Variants in GPR89A observed in about 807,000 individuals in gnomAD.
The protein encoded by GPR89A is G protein-coupled receptor 89A.
Under a neutral mutation model 52.0 loss-of-function variants are expected in GPR89A, and 16 were observed. The ratio of observed to expected loss-of-function variants is 0.31; its 90% confidence interval spans 0.21 to 0.47. The LOEUF (loss-of-function observed/expected upper bound fraction) is 0.47. Ranked by LOEUF, GPR89A falls within the 20% of genes least tolerant of loss-of-function variation. The pLI is 1.00. For synonymous variants in GPR89A, 55 were observed against 150.9 expected (o/e 0.36, Z 4.66); for missense variants, 135 against 449.4 (o/e 0.30, Z 6.33).
intron 10 of GPR89A, 72 bp from the exon 11 acceptor site, chr1:145,663,257 T>G (rs1399600399): frequency 1.2e-6 from 2 of 1,608,370 alleles, no homozygotes; most frequent in African/African-American, 2.7e-5. Context: ...ATTAATTCAT[T>G]AGTTTCAGTC....
At chr1:145,668,336 G>A in intron 12 of GPR89A, among the ~76,000 whole-genome samples, 1 of 152,148 alleles carries the variant, frequency 6.6e-6, no homozygotes, top group Non-Finnish European at 1.5e-5. Flanking sequence ...TGAAGAAATT[G>A]TGAATGGGCG....
intron 1 of GPR89A, among the ~76,000 whole-genome samples, chr1:145,615,400 G>A (rs1375077502): frequency 6.6e-6 from 1 of 151,918 alleles, no homozygotes; most frequent in Non-Finnish European, 1.5e-5. Flanking sequence ...CTGGAGCGCA[G>A]TGGTGCAATC....
chr1:145,608,068 T>C lies in GPR89A; in HGVS notation c.-66T>C. ...AAGGCAGACCGTGTGAGGGGGCCTG[T>C]GGCCCCAGCGTGCTGTGGCCTCGGG... is the stretch of plus-strand genomic sequence containing the variant. On this transcript the variant is annotated 5_prime_UTR_variant, in exon 1 of 14. Coordinates refer to ENST00000313835, the MANE Select transcript of GPR89A (RefSeq NM_001097612.2). 4.5e-6 allele frequency: 7 copies of C among 1,573,022 alleles called. No homozygotes were observed. Among genetic ancestry groups the C allele is most frequent in the Admixed American group, 3.3e-5 (2 of 59,732 alleles).
chr1:145,632,115 A>G (rs1553689943), intron 7 of GPR89A, among the ~76,000 whole-genome samples: 1 of 150,094 alleles, frequency 6.7e-6, no homozygotes. Context: ...AAATTATTAG[A>G]ATTTTTTTGT....
chr1:145,613,628 CCTT>C (rs1648457311), intron 1 of GPR89A, among the ~76,000 whole-genome samples: 1 of 151,106 alleles, frequency 6.6e-6, no homozygotes, highest in Non-Finnish European at 1.5e-5. Flanking sequence ...TTAACCTCTT[CCTT>C]CTTTGAATTT....
chr1:145,627,025 G>T (rs1471632), intron 5 of GPR89A, among the ~76,000 whole-genome samples: 9 of 152,156 alleles, frequency 5.9e-5, no homozygotes, highest in South Asian at 2.1e-4. Flanking sequence ...CTTCTTGTGC[G>T]GTGTCTGAAC....
chr1:145,622,970 C>A (rs1649238390), intron 3 of GPR89A, 84 bp from the exon 4 acceptor site: 2 of 1,594,562 alleles, frequency 1.3e-6, no homozygotes, highest in Non-Finnish European at 1.7e-6. Flanking sequence ...GTCCAAAGAG[C>A]AAAAGGACCC....
At chr1:145,667,282 C>G (rs1452525318) in intron 12 of GPR89A, among the ~76,000 whole-genome samples, 42 of 152,204 alleles carry the variant, frequency 2.8e-4, no homozygotes, top group Non-Finnish European at 4.6e-4. Context: ...ACCATCCTAA[C>G]TGGTGTGAGA....
chr1:145,642,603 A>G (rs1243682976), intron 7 of GPR89A, among the ~76,000 whole-genome samples: 4 of 152,208 alleles, frequency 2.6e-5, no homozygotes, highest in Non-Finnish European at 5.9e-5. Context: ...CCATAGAAAT[A>G]TCATTTGATC....
intron 8 of GPR89A, chr1:145,645,818 T>C: frequency 2.6e-6 from 1 of 382,890 alleles, no homozygotes; most frequent in East Asian, 6.6e-5. Flanking sequence ...TATATTCAGA[T>C]AATGTAGGAG....
At chr1:145,648,715 A>C (rs1651224658) in intron 10 of GPR89A, among the ~76,000 whole-genome samples, 1 of 151,576 alleles carries the variant, frequency 6.6e-6, no homozygotes, top group Admixed American at 6.6e-5. Context: ...TCCTGAGCTC[A>C]GGCAATCTGC....
At chr1:145,642,915 G>A (rs1225335773) in intron 7 of GPR89A, among the ~76,000 whole-genome samples, 4 of 151,932 alleles carry the variant, frequency 2.6e-5, no homozygotes, top group Non-Finnish European at 4.4e-5. Context: ...TGTACTAGTC[G>A]GTCCTCCACA....
chr1:145,612,824 A>G (rs1346239121), intron 1 of GPR89A, among the ~76,000 whole-genome samples: 2 of 151,636 alleles, frequency 1.3e-5, no homozygotes, highest in Admixed American at 6.6e-5. Flanking sequence ...TCTCTAGCCT[A>G]TTATCTAATG....
At chr1:145,658,861 T>C (rs1362784413) in intron 10 of GPR89A, among the ~76,000 whole-genome samples, 1 of 152,142 alleles carries the variant, frequency 6.6e-6, no homozygotes, top group African/African-American at 2.4e-5. Context: ...CACTTCGATC[T>C]CTGCCTCCTG....
intron 10 of GPR89A, among the ~76,000 whole-genome samples, chr1:145,658,674 A>G (rs1651982144): frequency 6.6e-6 from 1 of 150,788 alleles, no homozygotes; most frequent in Admixed American, 6.6e-5. Context: ...ATTTCATTTT[A>G]TAGGTACACC....
At chr1:145,657,909 G>C (rs1388987126) in intron 10 of GPR89A, among the ~76,000 whole-genome samples, 20 of 150,906 alleles carry the variant, frequency 1.3e-4, no homozygotes, top group Admixed American at 7.9e-4. Flanking sequence ...GTATGATGCA[G>C]TAGTTCTTAA....
In GPR89A at chr1:145,646,186, C is replaced by G. The variant is rs782399452; in HGVS notation, c.730C>G (p.Leu244Val). ...CCTTGATGCCCATTCTGTGCCAGAT[C>G]TTACTCTTATTCAACAGGAAGTGGA... is the stretch of plus-strand genomic sequence containing the variant. ...VTTSASGSEN[L>V]TLIQQEVDAL... Residue 244 changes from leucine (L) to valine (V), a missense_variant and splice_region_variant, in exon 9 of 14, where the codon CTT becomes GTT. Coordinates refer to ENST00000313835, the MANE Select transcript of GPR89A (RefSeq NM_001097612.2). 4 of 1,612,594 alleles carry G rather than the reference C, an allele frequency of 2.5e-6. No homozygotes were observed. Among genetic ancestry groups the G allele is most frequent in the East Asian group, 2.2e-5 (1 of 44,868 alleles).
Position 145,616,216 on chromosome 1 carries a change from A to G in GPR89A, c.43-18A>G. Reference sequence around the variant, plus strand: ...AAAAGAAAATATGTATTGACATTCTATTTTCTTTCTCCTCCAGATACTATT... The same window carrying G: ...AAAAGAAAATATGTATTGACATTCTGTTTTCTTTCTCCTCCAGATACTATT... On this transcript the variant is annotated intron_variant, in intron 1 of 13. Transcript: ENST00000313835. 2 of 1,605,416 alleles carry G rather than the reference A, an allele frequency of 1.2e-6. No homozygotes were observed. Among genetic ancestry groups the G allele is most frequent in the Non-Finnish European group, 1.7e-6 (2 of 1,173,892 alleles).
At chr1:145,643,645 A>G (rs1650798975) in intron 7 of GPR89A, among the ~76,000 whole-genome samples, 1 of 151,682 alleles carries the variant, frequency 6.6e-6, no homozygotes, top group East Asian at 1.9e-4. Context: ...CCAGTCCTCA[A>G]ATTTATTGCC....
Sources: gnomAD v4.1 joint callset for allele counts (sites outside exome capture counted in the v4.1 genomes callset) on GRCh38, gnomAD v4.1.1 for gene constraint, MANE v1.5 for transcripts, NCBI Gene and HGNC (gene_info 2026-07-23, HGNC 2026-07-21) for gene names.